MED12L: variants seen among roughly 807,000 people sequenced by gnomAD.
MED12L encodes the protein mediator of RNA polymerase II transcription subunit 12-like protein.
Under a neutral mutation model 281.3 loss-of-function variants are expected in MED12L, and 60 were observed. The observed-to-expected ratio is 0.21, with a 90% CI of 0.17 to 0.26. MED12L has a LOEUF of 0.26. Among genes scored for constraint, MED12L ranks in the 10% least tolerant of loss-of-function variants. MED12L has a pLI of 1.00. For missense variants in MED12L, 2,146 were observed against 2,680.9 expected (o/e 0.80, Z 4.41); for synonymous variants, 974 against 987.2 (o/e 0.99, Z 0.25).
chr3:151,116,524 G>A, intron 3 of MED12L, 82 bp downstream of exon 3: 1 of 903,138 alleles, frequency 1.1e-6, no homozygotes, highest in Non-Finnish European at 1.7e-6. Context: ...TGATAAATTA[G>A]TGTTGTTTAA....
intron 16 of MED12L, among the ~76,000 whole-genome samples, chr3:151,267,385 C>G (rs1277270153): frequency 6.6e-6 from 1 of 152,008 alleles, no homozygotes; most frequent in Non-Finnish European, 1.5e-5. Flanking sequence ...ATCACAAATC[C>G]CCTTTTCTTT....
chr3:151,325,446 A>G (rs74609568), intron 16 of MED12L, among the ~76,000 whole-genome samples: 2,144 of 152,262 alleles, frequency 0.014, 46 homozygotes, highest in African/African-American at 0.05. Flanking sequence ...TTGGTGTATC[A>G]TTTATGACTA....
chr3:151,416,693 C>G (rs958425285), intron 43 of MED12L, among the ~76,000 whole-genome samples: 5 of 152,094 alleles, frequency 3.3e-5, no homozygotes, highest in Non-Finnish European at 7.3e-5. Flanking sequence ...TACATTGAGA[C>G]GTGGTCTTTT....
At chr3:151,333,832 CACT>C (rs1750625139) in intron 16 of MED12L, among the ~76,000 whole-genome samples, 3 of 152,112 alleles carry the variant, frequency 2.0e-5, no homozygotes, top group African/African-American at 7.2e-5. Flanking sequence ...GTAATCCTAG[CACT>C]TTAGGAGGCC....
At chr3:151,236,368 A>G (rs6801292) in intron 16 of MED12L, among the ~76,000 whole-genome samples, 11,230 of 152,266 alleles carry the variant, frequency 0.074, 1,370 homozygotes, top group African/African-American at 0.26. Flanking sequence ...TCTGGATCAC[A>G]GAATTAGAAT....
intron 16 of MED12L, among the ~76,000 whole-genome samples, chr3:151,315,828 T>G (rs1017815514): frequency 6.6e-6 from 1 of 152,212 alleles, no homozygotes; most frequent in Admixed American, 6.5e-5. Flanking sequence ...AGATTCAACT[T>G]GAGAATGTGA....
intron 16 of MED12L, among the ~76,000 whole-genome samples, chr3:151,239,934 A>G (rs1482724090): frequency 1.3e-5 from 2 of 152,212 alleles, no homozygotes; most frequent in Non-Finnish European, 2.9e-5. Context: ...ACTTGTACAG[A>G]ACACATATCT....
intron 16 of MED12L, among the ~76,000 whole-genome samples, chr3:151,256,784 T>A (rs1417078630): frequency 6.7e-6 from 1 of 150,302 alleles, no homozygotes; most frequent in African/African-American, 2.4e-5. Context: ...AATACTTTGT[T>A]AGTTCAGCTG....
At chr3:151,185,576 G>A in intron 12 of MED12L, 115 bp downstream of exon 12, 4 of 1,153,424 alleles carry the variant, frequency 3.5e-6, no homozygotes, top group Non-Finnish European at 3.6e-6. Flanking sequence ...AGGAAAAAAG[G>A]GAGGATGTAA....
intron 3 of MED12L, among the ~76,000 whole-genome samples, chr3:151,121,217 C>T (rs975212204): frequency 1.3e-5 from 2 of 152,086 alleles, no homozygotes; most frequent in Non-Finnish European, 2.9e-5. Context: ...GCTGGTTTTC[C>T]TACATTTTTG....
Position 151,394,845 on chromosome 3 carries a change from C to G in MED12L, c.5798C>G (p.Ala1933Gly). The stretch of plus-strand genomic sequence containing the variant: ...CAGCAACAGCGACTTCTCAGGCAAG[C>G]CCAGACTCGGCCTTTCCAACAGGTT... ...QQQQQRLLRQ[A>G]QTRPFQQGQP... is the part of the protein sequence containing the mutation. Residue 1933 changes from alanine (A) to glycine (G), a missense_variant, in exon 39 of 45, where the codon GCC (alanine) becomes GGC (glycine). By Grantham distance (60) the Ala-to-Gly change is moderately conservative. This residue lies in a region of MED12L where 496 missense variants were observed against 512.0 expected (regional missense o/e 0.97). Coordinates refer to ENST00000687756, the MANE Select transcript of MED12L (RefSeq NM_001393769.1). The G allele has an allele frequency of 6.2e-7, 1 of 1,614,114 alleles. No individual in the cohort carries two copies. Among genetic ancestry groups the G allele is most frequent in the Non-Finnish European group, 8.5e-7 (1 of 1,180,036 alleles).
At chr3:151,217,261 T>C (rs900435036) in intron 16 of MED12L, among the ~76,000 whole-genome samples, 1 of 152,238 alleles carries the variant, frequency 6.6e-6, no homozygotes, top group African/African-American at 2.4e-5. Flanking sequence ...CCTTTTCTTA[T>C]AGAAACCCTT....
chr3:151,305,123 A>G (rs1340230812), intron 16 of MED12L, among the ~76,000 whole-genome samples: 1 of 152,162 alleles, frequency 6.6e-6, no homozygotes, highest in Non-Finnish European at 1.5e-5. Flanking sequence ...TGCTTTTACT[A>G]CAGTGGCTCT....
At chr3:151,155,552 G>A (rs1433489619) in intron 5 of MED12L, among the ~76,000 whole-genome samples, 2 of 152,130 alleles carry the variant, frequency 1.3e-5, no homozygotes, top group Non-Finnish European at 2.9e-5. Flanking sequence ...GAAGCCATGC[G>A]GGTGTCCCTG....
chr3:151,186,389 A>C lies in MED12L; in HGVS notation c.1626+928A>C, dbSNP rs550505700. Among the ~76,000 whole-genome samples the C allele has an allele frequency of 2.0e-5, 3 of 152,132 alleles. No homozygotes were observed. The East Asian group carries it at 5.8e-4, about 29-fold the overall frequency. Reference sequence around the variant, plus strand: ...TGTAAATAGATCGCATTGTCTCCTTACTGATACTCTCTGTGGCTCCTGACT... The same window carrying C: ...TGTAAATAGATCGCATTGTCTCCTTCCTGATACTCTCTGTGGCTCCTGACT... On this transcript the variant is annotated intron_variant, in intron 12 of 44. Coordinates refer to ENST00000687756, the MANE Select transcript of MED12L (RefSeq NM_001393769.1).
At chr3:151,271,799 A>C (rs1740999819) in intron 16 of MED12L, among the ~76,000 whole-genome samples, 1 of 152,326 alleles carries the variant, frequency 6.6e-6, no homozygotes, top group Middle Eastern at 3.4e-3. Flanking sequence ...ATTCCATTTC[A>C]GTGTAGTTCT....
rs1719862456 is a variant in MED12L at position 151,434,406 on chromosome 3, G to A, written c.*1602G>A. ...ATCCATGTGAACTGCTTTGTACACT[G>A]TGAAAATATTTCACTCCAGCCTGCC... On this transcript the variant is annotated 3_prime_UTR_variant, in exon 45 of 45. Transcript: ENST00000687756. 1 of 152,148 alleles carries A rather than the reference G, an allele frequency of 6.6e-6. No homozygotes were observed. Among genetic ancestry groups the A allele is most frequent in the Non-Finnish European group, 1.5e-5 (1 of 68,030 alleles). The allele number at this position is 152,148 out of a possible 1,614,324, so 9.4% of individuals were successfully genotyped here. A position where few individuals can be genotyped will look rare whatever the true frequency, so the allele number is the denominator to read the frequency against.
chr3:151,196,689 A>G (rs986472226), intron 16 of MED12L, among the ~76,000 whole-genome samples: 8 of 152,236 alleles, frequency 5.3e-5, no homozygotes, highest in Non-Finnish European at 1.0e-4. Flanking sequence ...CAGATGTGTG[A>G]GGCTGCTGGA....
At chr3:151,333,955 G>A (rs748254049) in intron 16 of MED12L, among the ~76,000 whole-genome samples, 43 of 150,878 alleles carry the variant, frequency 2.8e-4, no homozygotes, top group East Asian at 1.6e-3. Flanking sequence ...GCAGGTGCCC[G>A]TAATCCCAGC....
Sources: allele counts gnomAD v4.1 joint callset (sites outside exome capture counted in the v4.1 genomes callset), GRCh38; gene constraint gnomAD v4.1.1; regional missense constraint gnomAD v4.1.1; transcripts MANE v1.5; gene names NCBI Gene and HGNC (gene_info 2026-07-23, HGNC 2026-07-21).